ATF1: variants seen among roughly 807,000 people sequenced by gnomAD.
ATF1 encodes cyclic AMP-dependent transcription factor ATF-1.
In ATF1, 16 loss-of-function variants were observed where a neutral mutation model predicts 34.7. That is an observed-to-expected ratio of 0.46 (90% CI 0.31 to 0.70). The LOEUF is 0.70. Among genes scored for constraint, ATF1 ranks in the 30% least tolerant of loss-of-function variants. ATF1 has a pLI of 0.05. For synonymous variants in ATF1, 105 were observed against 113.1 expected, an observed-to-expected ratio of 0.93 and a Z score of 0.46; for missense variants, 255 against 321.6, an observed-to-expected ratio of 0.79 and a Z score of 1.58.
At chr12:50,775,486 A>AC (rs953652620) in intron 1 of ATF1, 4 of 151,268 alleles carry the variant, frequency 2.6e-5, no homozygotes, top group African/African-American at 9.7e-5. Flanking sequence ...ATCAGTGGGC[A>AC]CCCCCATCTC....
At chr12:50,765,614 A>G (rs2139630081) in intron 1 of ATF1, among the ~76,000 whole-genome samples, 1 of 152,332 alleles carries the variant, frequency 6.6e-6, no homozygotes, top group South Asian at 2.1e-4. Context: ...ATGAGGCTGA[A>G]ACCTACTGGG....
intron 2 of ATF1, among the ~76,000 whole-genome samples, chr12:50,780,975 T>G (rs1565903552): frequency 6.6e-6 from 1 of 151,366 alleles, no homozygotes; most frequent in African/African-American, 2.4e-5. Context: ...AATAAATAAA[T>G]AAAAAATAAA....
In ATF1 at chr12:50,765,750, C is replaced by T. The variant is rs1940617619; in HGVS notation, c.-7+1443C>T. Among the ~76,000 whole-genome samples the T allele has an allele frequency of 2.0e-5, 3 of 152,136 alleles. No individual in the cohort carries two copies. The South Asian group carries it at 6.2e-4, about 32-fold the overall frequency. ...AAGAAGCCGGCCAAAACTGAAATGG[C>T]CACAAGAGTGACCCCTGGTCATCCT... is the stretch of plus-strand genomic sequence containing the variant. On this transcript the variant is annotated intron_variant, in intron 1 of 6. Transcript: ENST00000262053.
intron 1 of ATF1, among the ~76,000 whole-genome samples, chr12:50,778,798 C>T (rs527414019): frequency 6.6e-6 from 1 of 152,306 alleles, no homozygotes; most frequent in East Asian, 1.9e-4. Context: ...CAGGGCTGGT[C>T]TTGAGCTCTT....
chr12:50,811,133 A>C (rs1030395513), intron 4 of ATF1, among the ~76,000 whole-genome samples: 1 of 152,104 alleles, frequency 6.6e-6, no homozygotes, highest in Non-Finnish European at 1.5e-5. Flanking sequence ...CATGCCTGGC[A>C]TGTTCTTCCC....
At chr12:50,776,084 G>A (rs1245036059) in intron 1 of ATF1, among the ~76,000 whole-genome samples, 1 of 152,042 alleles carries the variant, frequency 6.6e-6, no homozygotes, top group Non-Finnish European at 1.5e-5. Flanking sequence ...AGGCCGAGGA[G>A]GGCGGATCAT....
intron 6 of ATF1, among the ~76,000 whole-genome samples, chr12:50,816,211 C>T (rs1941839948): frequency 6.6e-6 from 1 of 151,956 alleles, no homozygotes; most frequent in Non-Finnish European, 1.5e-5. Flanking sequence ...CCTAAAATCC[C>T]AGCTACTCGG....
Position 50,814,018 on chromosome 12 carries a change from G to A in ATF1, c.337G>A (p.Ala113Thr), listed in dbSNP as rs1175619108. Residue 113 changes from alanine (A) to threonine (T), a missense_variant, in exon 5 of 7, where the codon GCC (alanine) becomes ACC (threonine). By Grantham distance (58) the Ala-to-Thr change is moderately conservative. Around this residue, in one of 2 missense-constraint regions of ATF1, gnomAD observed 221 missense variants for 250.7 expected, o/e 0.88. Coordinates refer to ENST00000262053, the MANE Select transcript of ATF1 (RefSeq NM_005171.5). ...QTSSGQYIAI[A>T]PNGALQLASP... ...TCTCTTTTTGATTAAAGTTGCCATT[G>A]CCCCAAATGGAGCCTTACAGTTGGC... is the stretch of plus-strand genomic sequence containing the variant. The A allele has an allele frequency of 1.2e-6, 2 of 1,611,256 alleles. No homozygotes were observed. Among genetic ancestry groups the A allele is most frequent in the Non-Finnish European group, 1.7e-6 (2 of 1,179,206 alleles).
chr12:50,817,293 A>C (rs953950197), intron 6 of ATF1, among the ~76,000 whole-genome samples: 1 of 152,198 alleles, frequency 6.6e-6, no homozygotes, highest in African/African-American at 2.4e-5. Flanking sequence ...GGAAAAAAGA[A>C]TAGGTACATA....
chr12:50,808,377 G>T (rs1219983736), intron 3 of ATF1, among the ~76,000 whole-genome samples: 1 of 151,718 alleles, frequency 6.6e-6, no homozygotes, highest in South Asian at 2.1e-4. Flanking sequence ...GCCCAGGCTG[G>T]GGGTACAGTG....
At chr12:50,817,983 C>T (rs1021280087) in intron 6 of ATF1, among the ~76,000 whole-genome samples, 2 of 133,332 alleles carry the variant, frequency 1.5e-5, no homozygotes, top group African/African-American at 6.1e-5. Context: ...CTCTGGAGGA[C>T]ATTCTGGCAT....
At chr12:50,817,751 A>C (rs1006837471) in intron 6 of ATF1, among the ~76,000 whole-genome samples, 1 of 152,202 alleles carries the variant, frequency 6.6e-6, no homozygotes, top group African/African-American at 2.4e-5. Flanking sequence ...TGTATAGGTT[A>C]TATAAAGATT....
At chr12:50,800,888 T>G (rs1184782076) in intron 3 of ATF1, among the ~76,000 whole-genome samples, 1 of 151,658 alleles carries the variant, frequency 6.6e-6, no homozygotes, top group African/African-American at 2.4e-5. Flanking sequence ...TCACCTGAGG[T>G]CAGGAGTTTG....
intron 3 of ATF1, among the ~76,000 whole-genome samples, chr12:50,801,721 A>C (rs914217341): frequency 6.6e-6 from 1 of 152,238 alleles, no homozygotes; most frequent in Admixed American, 6.5e-5. Flanking sequence ...CAAAAAACAT[A>C]TGATCATCGC....
intron 1 of ATF1, among the ~76,000 whole-genome samples, chr12:50,770,061 A>C (rs1280433393): frequency 6.6e-6 from 1 of 152,212 alleles, no homozygotes; most frequent in Non-Finnish European, 1.5e-5. Context: ...AGCTATTTAC[A>C]GTTCATAGCA....
intron 1 of ATF1, among the ~76,000 whole-genome samples, chr12:50,764,915 C>T (rs1940593633): frequency 6.6e-6 from 1 of 152,196 alleles, no homozygotes; most frequent in Non-Finnish European, 1.5e-5. Context: ...GGCTTTACCC[C>T]TGGCTAGGAA....
intron 1 of ATF1, among the ~76,000 whole-genome samples, chr12:50,779,220 GA>G (rs1432194505): frequency 6.6e-6 from 1 of 152,182 alleles, no homozygotes; most frequent in Non-Finnish European, 1.5e-5. Flanking sequence ...ATGCTGCCAT[GA>G]ACATAGGTGT....
chr12:50,797,589 C>T (rs1263387230), intron 3 of ATF1, among the ~76,000 whole-genome samples: 2 of 152,178 alleles, frequency 1.3e-5, no homozygotes, highest in Non-Finnish European at 2.9e-5. Flanking sequence ...GCTCCTCAGC[C>T]TCCTGAGTAC....
intron 6 of ATF1, among the ~76,000 whole-genome samples, chr12:50,816,501 G>A (rs1338502695): frequency 1.3e-5 from 2 of 152,070 alleles, no homozygotes; most frequent in African/African-American, 4.8e-5. Flanking sequence ...CTCAGGTGAT[G>A]GACACCCTGA....
Sources: allele counts gnomAD v4.1 joint callset (sites outside exome capture counted in the v4.1 genomes callset), GRCh38; gene constraint gnomAD v4.1.1; regional missense constraint gnomAD v4.1.1; transcripts MANE v1.5; gene names NCBI Gene and HGNC (gene_info 2026-07-23, HGNC 2026-07-21).